Variants in GABRB1 observed in about 807,000 individuals in gnomAD.
GABRB1 encodes gamma-aminobutyric acid receptor subunit beta-1.
A neutral mutation model predicts 51.6 loss-of-function variants in GABRB1; 17 were observed. That is an observed-to-expected ratio of 0.33 (90% confidence interval 0.23 to 0.49). The LOEUF (loss-of-function observed/expected upper bound fraction) is 0.49, where lower values mean the gene tolerates loss of function less well. Among genes scored for constraint, GABRB1 ranks in the 20% least tolerant of loss-of-function variants. GABRB1 has a pLI of 0.99. For synonymous variants in GABRB1, 247 were observed against 218.9 expected (o/e 1.13, Z -1.14); for missense variants, 410 against 600.6 (o/e 0.68, Z 3.32).
At chr4:47,009,595 G>A (rs893365857) in intron 1 of GABRB1, among the ~76,000 whole-genome samples, 3 of 152,166 alleles carry the variant, frequency 2.0e-5, no homozygotes, top group African/African-American at 7.2e-5. Flanking sequence ...ATTGACAAGA[G>A]GCCTCTGGTT....
intron 4 of GABRB1, among the ~76,000 whole-genome samples, chr4:47,169,883 A>T (rs1412115628): frequency 6.6e-6 from 1 of 152,160 alleles, no homozygotes; most frequent in Non-Finnish European, 1.5e-5. Flanking sequence ...CTGTCCCTGC[A>T]CATCATTTCT....
chr4:47,236,207 C>T (rs187121823), intron 4 of GABRB1, among the ~76,000 whole-genome samples: 4 of 151,744 alleles, frequency 2.6e-5, no homozygotes, highest in African/African-American at 9.7e-5. Context: ...TTTTGAAATC[C>T]GAAAGCTTTG....
intron 5 of GABRB1, among the ~76,000 whole-genome samples, chr4:47,378,624 A>G (rs543826642): frequency 6.6e-6 from 1 of 152,270 alleles, no homozygotes; most frequent in East Asian, 1.9e-4. Context: ...TCTCAGGACT[A>G]CAGGCATGCA....
At chr4:47,406,569 T>A (rs1490913789) in intron 7 of GABRB1, 113 bp from the exon 8 acceptor site, 2 of 1,304,682 alleles carry the variant, frequency 1.5e-6, no homozygotes, top group Non-Finnish European at 2.2e-6. Flanking sequence ...CATGCTACTG[T>A]GATCACTCAG....
chr4:47,158,805 G>A (rs947774578), intron 3 of GABRB1, among the ~76,000 whole-genome samples: 4 of 151,904 alleles, frequency 2.6e-5, no homozygotes, highest in African/African-American at 9.7e-5. Flanking sequence ...AAATAGAAAT[G>A]CTTATGAAAA....
In GABRB1 at chr4:47,356,058, G is replaced by A. The variant is rs1306149674; in HGVS notation, c.544+35849G>A. Among the ~76,000 whole-genome samples, 3 of 152,308 alleles carry A rather than the reference G, an allele frequency of 2.0e-5. No individual in the cohort carries two copies. The East Asian group carries it at 5.8e-4, about 29-fold the overall frequency. On this transcript the variant is annotated intron_variant, in intron 5 of 8. Transcript: ENST00000295454. The stretch of plus-strand genomic sequence containing the variant: ...AATCATTAACAGCACATAGCACACT[G>A]CTTGACACCTAGTAGGCATTCAATA...
intron 3 of GABRB1, among the ~76,000 whole-genome samples, chr4:47,094,773 A>G (rs1252014017): frequency 6.6e-6 from 1 of 152,160 alleles, no homozygotes; most frequent in East Asian, 1.9e-4. Flanking sequence ...AAAAAAAAAA[A>G]AAAGAAAGAA....
intron 8 of GABRB1, among the ~76,000 whole-genome samples, chr4:47,417,144 A>G (rs1728953134): frequency 6.6e-6 from 1 of 152,142 alleles, no homozygotes. Flanking sequence ...AGGCCCACCT[A>G]CATTATCGAG....
At chr4:47,019,626 T>TCTCTCTCA in intron 1 of GABRB1, among the ~76,000 whole-genome samples, 1 of 17,262 alleles carries the variant, frequency 5.8e-5, no homozygotes, top group East Asian at 1.9e-3. Context: ...TCTTTCTCTC[T>TCTCTCTCA]CTTTCTTTCT....
chr4:47,228,112 T>C (rs1483234212), intron 4 of GABRB1, among the ~76,000 whole-genome samples: 1 of 152,158 alleles, frequency 6.6e-6, no homozygotes, highest in African/African-American at 2.4e-5. Flanking sequence ...CTCTCAAAAT[T>C]CATGTCCTTC....
At chr4:47,254,033 T>G (rs561272059) in intron 4 of GABRB1, among the ~76,000 whole-genome samples, 6 of 152,200 alleles carry the variant, frequency 3.9e-5, no homozygotes, top group Non-Finnish European at 8.8e-5. Flanking sequence ...ATATGGGCAT[T>G]GTACTGACAA....
chr4:47,407,788 A>G (rs1479411536), intron 8 of GABRB1, among the ~76,000 whole-genome samples: 1 of 152,200 alleles, frequency 6.6e-6, no homozygotes, highest in Non-Finnish European at 1.5e-5. Flanking sequence ...TCAAAAGGAT[A>G]ATTTTAGTTA....
At chr4:47,370,913 C>T (rs946487799) in intron 5 of GABRB1, among the ~76,000 whole-genome samples, 5 of 113,770 alleles carry the variant, frequency 4.4e-5, no homozygotes, top group African/African-American at 1.7e-4. Context: ...ATTCAGGCTA[C>T]CACTTTATTT....
intron 4 of GABRB1, among the ~76,000 whole-genome samples, chr4:47,219,961 A>C (rs1394148212): frequency 6.6e-6 from 1 of 151,932 alleles, no homozygotes; most frequent in African/African-American, 2.4e-5. Flanking sequence ...TATTGAACTC[A>C]TCAGAAGTTT....
intron 3 of GABRB1, among the ~76,000 whole-genome samples, chr4:47,138,922 T>C (rs1008565356): frequency 2.0e-5 from 3 of 152,100 alleles, no homozygotes; most frequent in African/African-American, 7.2e-5. Context: ...AAAGCCTGAC[T>C]AATTCACCCT....
chr4:47,339,853 A>ACACACACC, intron 5 of GABRB1, among the ~76,000 whole-genome samples: 1 of 151,358 alleles, frequency 6.6e-6, no homozygotes, highest in Non-Finnish European at 1.5e-5. Flanking sequence ...ACACACACAC[A>ACACACACC]CACCCCACTT....
At chr4:47,320,389 AG>A (rs1188081512) in intron 5 of GABRB1, among the ~76,000 whole-genome samples, 180 bp downstream of exon 5, 5 of 152,360 alleles carry the variant, frequency 3.3e-5, no homozygotes, top group Middle Eastern at 3.4e-3. Context: ...TTGAACAATT[AG>A]GGAAAGTTCA....
chr4:47,257,456 C>G (rs768268082), intron 4 of GABRB1, among the ~76,000 whole-genome samples: 2 of 151,686 alleles, frequency 1.3e-5, no homozygotes, highest in Non-Finnish European at 2.9e-5. Context: ...TATAATTACT[C>G]AAAGATTACA....
At chr4:47,200,130 A>T (rs1693636610) in intron 4 of GABRB1, among the ~76,000 whole-genome samples, 3 of 152,206 alleles carry the variant, frequency 2.0e-5, no homozygotes, top group African/African-American at 7.2e-5. Flanking sequence ...AAGTGAGAAC[A>T]TGTATGAGAT....
Sources: gnomAD v4.1 joint callset for allele counts (sites outside exome capture counted in the v4.1 genomes callset) on GRCh38, gnomAD v4.1.1 for gene constraint, MANE v1.5 for transcripts, NCBI Gene and HGNC (gene_info 2026-07-23, HGNC 2026-07-21) for gene names.